STXBP4: variants seen among roughly 807,000 people sequenced by gnomAD.
STXBP4 encodes the protein syntaxin binding protein 4.
In STXBP4, 55 loss-of-function variants were observed where a neutral mutation model predicts 76.1. That is an observed-to-expected ratio of 0.72 (90% CI 0.58 to 0.91). The LOEUF is 0.91. Among genes scored for constraint, STXBP4 ranks in the 40% least tolerant of loss-of-function variants. The probability of loss-of-function intolerance (pLI) is 0.00; values close to 1 mark genes in which losing one functional copy is unlikely to be tolerated. For missense variants in STXBP4, 618 were observed against 636.9 expected (o/e 0.97, Z 0.32); for synonymous variants, 201 against 220.2 (o/e 0.91, Z 0.77).
the STXBP4 span, among the ~76,000 whole-genome samples, chr17:55,194,956 GTACTCA>G: frequency 1.3e-5 from 2 of 152,148 alleles, no homozygotes; most frequent in African/African-American, 4.8e-5. Context: ...TAGACATCAA[GTACTCA>G]TACCTGTGCA....
At position 55,031,151 on chromosome 17, in the gene STXBP4, A is replaced by C; in HGVS notation, c.667-17A>C. ...GAGATTTGAAAAATTGCTTTTCATG[A>C]GTCCTTTATCTTCCAGGCTCTAAAT... is the stretch of plus-strand genomic sequence containing the variant. On this transcript the variant is annotated splice_polypyrimidine_tract_variant and intron_variant, in intron 8 of 17. Coordinates refer to ENST00000376352, the MANE Select transcript of STXBP4 (RefSeq NM_178509.6). The C allele has an allele frequency of 6.3e-7, 1 of 1,599,288 alleles. No individual in the cohort carries two copies. The highest frequency in any genetic ancestry group is 8.6e-7 in the Non-Finnish European group (1 of 1,168,716).
intron 16 of STXBP4, among the ~76,000 whole-genome samples, chr17:55,112,193 T>G (rs1426101380): frequency 1.3e-5 from 2 of 152,168 alleles, no homozygotes; most frequent in Non-Finnish European, 2.9e-5. Flanking sequence ...GTGCTGGTAT[T>G]ATAGGCATGA....
chr17:55,190,721 C>T, the STXBP4 span, among the ~76,000 whole-genome samples: 1 of 152,160 alleles, frequency 6.6e-6, no homozygotes, highest in East Asian at 1.9e-4. Flanking sequence ...GCAATTTCCA[C>T]GCTACTCCCT....
chr17:55,002,192 A>G (rs1355439782), intron 7 of STXBP4, among the ~76,000 whole-genome samples: 3 of 152,204 alleles, frequency 2.0e-5, no homozygotes, highest in Non-Finnish European at 4.4e-5. Context: ...TGAGATGAGC[A>G]TCAAAATTGC....
intron 7 of STXBP4, among the ~76,000 whole-genome samples, chr17:55,003,875 A>G (rs1420151024): frequency 6.6e-6 from 1 of 152,190 alleles, no homozygotes; most frequent in African/African-American, 2.4e-5. Flanking sequence ...AAGGATAGCA[A>G]TAAACAATTG....
chr17:55,025,403 A>G (rs927900041), intron 8 of STXBP4, among the ~76,000 whole-genome samples: 2 of 152,166 alleles, frequency 1.3e-5, no homozygotes, highest in Non-Finnish European at 2.9e-5. Flanking sequence ...GTTCCGGCCC[A>G]TCTATTTATT....
the STXBP4 span, among the ~76,000 whole-genome samples, chr17:55,182,158 G>C: frequency 1.5e-5 from 1 of 65,876 alleles, no homozygotes; most frequent in Non-Finnish European, 4.6e-5. Flanking sequence ...GACAAGGCAA[G>C]AATCAAGAGA....
At chr17:55,066,818 G>A (rs1435369785) in intron 12 of STXBP4, among the ~76,000 whole-genome samples, 6 of 152,132 alleles carry the variant, frequency 3.9e-5, no homozygotes, top group East Asian at 1.9e-4. Flanking sequence ...CCTGGGAGGC[G>A]GAGGTTGCGG....
the STXBP4 span, among the ~76,000 whole-genome samples, chr17:55,181,224 C>T: frequency 6.6e-6 from 1 of 152,160 alleles, no homozygotes; most frequent in Non-Finnish European, 1.5e-5. Flanking sequence ...TTCAGAACTA[C>T]CAAGGTGCTT....
At chr17:55,088,679 G>A (rs2079371415) in intron 16 of STXBP4, among the ~76,000 whole-genome samples, 1 of 152,188 alleles carries the variant, frequency 6.6e-6, no homozygotes, top group Non-Finnish European at 1.5e-5. Flanking sequence ...TTACAGGCGT[G>A]AGCCACCGTG....
At chr17:54,971,869 G>A (rs1044310070) in intron 1 of STXBP4, among the ~76,000 whole-genome samples, 15 of 151,982 alleles carry the variant, frequency 9.9e-5, no homozygotes, top group African/African-American at 3.6e-4. Flanking sequence ...GGCCTTAGGT[G>A]GTCTTGGTCT....
the STXBP4 span, among the ~76,000 whole-genome samples, chr17:55,195,540 G>A: frequency 1.3e-5 from 2 of 152,020 alleles, no homozygotes; most frequent in African/African-American, 4.8e-5. Context: ...TCAACAACTC[G>A]GACTCAAGTG....
intron 16 of STXBP4, among the ~76,000 whole-genome samples, chr17:55,091,729 C>A (rs1299242002): frequency 3.9e-5 from 6 of 152,168 alleles, no homozygotes; most frequent in Non-Finnish European, 8.8e-5. Context: ...CCTTTACTTT[C>A]TGATGGTTCA....
At chr17:54,980,073 A>G (rs986538357) in intron 1 of STXBP4, among the ~76,000 whole-genome samples, 6 of 152,304 alleles carry the variant, frequency 3.9e-5, no homozygotes, top group Admixed American at 3.3e-4. Context: ...ATGTAAACCA[A>G]TATATTACAA....
At position 55,171,502 on chromosome 17, in the gene STXBP4, C is replaced by T. The variant is rs2080405950; in HGVS notation, c.*11591C>T. 1 of 152,218 alleles carries T rather than the reference C, an allele frequency of 6.6e-6. No individual in the cohort carries two copies. The highest frequency in any genetic ancestry group is 2.4e-5 in the African/African-American group (1 of 41,446). The allele number at this position is 152,218 out of a possible 1,614,324, so 9.4% of individuals were successfully genotyped here. Reference sequence around the variant, plus strand: ...AAGGAATAATCTGTGAATTAACCTTCTGTAGCTTTTCCTTGCTGACCAGGG... The same window carrying T: ...AAGGAATAATCTGTGAATTAACCTTTTGTAGCTTTTCCTTGCTGACCAGGG... On this transcript the variant is annotated 3_prime_UTR_variant, in exon 18 of 18. Transcript: ENST00000376352.
rs201486934 is a variant in STXBP4, at chr17:54,999,586, A to G, written c.288-46A>G. The G allele has an allele frequency of 2.9e-5, 45 of 1,541,374 alleles. No individual in the cohort carries two copies. The Admixed American group carries it at 7.7e-4, about 26-fold the overall frequency. The stretch of plus-strand genomic sequence containing the variant: ...AAACATTATCTTGGATTTCAGTTGT[A>G]CTATATTCATAGCATATCCATAAAG... On this transcript the variant is annotated intron_variant, in intron 5 of 17. Transcript: ENST00000376352.
chr17:55,209,458 A>G, the STXBP4 span, among the ~76,000 whole-genome samples: 1 of 152,214 alleles, frequency 6.6e-6, no homozygotes, highest in Non-Finnish European at 1.5e-5. Context: ...AGGAAGGGCC[A>G]GAGCTGGGGA....
intron 7 of STXBP4, among the ~76,000 whole-genome samples, chr17:55,003,917 AT>A (rs2077960700): frequency 6.6e-6 from 1 of 152,110 alleles, no homozygotes; most frequent in African/African-American, 2.4e-5. Flanking sequence ...CACATCTGTA[AT>A]CCCAGAACTT....
At chr17:55,071,878 G>A (rs1351888) in intron 12 of STXBP4, among the ~76,000 whole-genome samples, 39,512 of 151,962 alleles carry the variant, frequency 0.26, 5,356 homozygotes, top group South Asian at 0.31. Flanking sequence ...AAGTTCTATC[G>A]CAGAGAAAAG....
Sources: allele counts gnomAD v4.1 joint callset (sites outside exome capture counted in the v4.1 genomes callset), GRCh38; gene constraint gnomAD v4.1.1; transcripts MANE v1.5; gene names NCBI Gene and HGNC (gene_info 2026-07-23, HGNC 2026-07-21).